PRDM8: variants seen among roughly 807,000 people sequenced by gnomAD.
The protein encoded by PRDM8 is PR/SET domain 8.
Under a neutral mutation model 46.5 loss-of-function variants are expected in PRDM8, and 13 were observed. That is an observed-to-expected ratio of 0.28 (90% CI 0.18 to 0.44). The LOEUF (loss-of-function observed/expected upper bound fraction) is 0.44, where lower values mean the gene tolerates loss of function less well. PRDM8 is among the 20% of genes least tolerant of loss of function. The pLI is 1.00. For missense variants in PRDM8, 998 were observed against 955.0 expected (o/e 1.04, Z -0.59); for synonymous variants, 473 against 438.4 (o/e 1.08, Z -0.98).
chr4:80,203,728 C>A lies in PRDM8; in HGVS notation c.*196C>A. 1 of 622,288 alleles carries A rather than the reference C, an allele frequency of 1.6e-6. No individual in the cohort carries two copies. 38.5% of individuals were successfully genotyped at this position (622,288 alleles called of 1,614,324 possible). On this transcript the variant is annotated 3_prime_UTR_variant, in exon 4 of 4. Transcript: ENST00000415738. ...CAGGAACCTCATTCAAATATTTACCCGGGACACACACCCCCCCCCACACAC... is the reference window on the plus strand; with the variant it reads ...CAGGAACCTCATTCAAATATTTACCAGGGACACACACCCCCCCCCACACAC...
At chr4:80,189,240 G>A (rs1737357483) in intron 1 of PRDM8, among the ~76,000 whole-genome samples, 1 of 152,186 alleles carries the variant, frequency 6.6e-6, no homozygotes, top group South Asian at 2.1e-4. Flanking sequence ...GGAGTCGCCC[G>A]GATCAGCCTT....
At position 80,203,286 on chromosome 4, in the gene PRDM8, G is replaced by T. The variant is rs772162341; in HGVS notation, c.1824G>T (p.Ala608=). Residue 608 remains alanine (A), a synonymous_variant, in exon 4 of 4, where the codon GCG becomes GCT. Transcript: ENST00000415738. The part of the protein sequence containing the change: ...AGPLQLQLPS[A]LTLLPPSFTS... ...CCTTGCAGCTGCAGCTGCCCTCGGCGCTCACGCTGCTGCCGCCCTCCTTCA... is the reference window on the plus strand; with the variant it reads ...CCTTGCAGCTGCAGCTGCCCTCGGCTCTCACGCTGCTGCCGCCCTCCTTCA... The T allele has an allele frequency of 2.5e-6, 4 of 1,603,214 alleles. No homozygotes were observed. In the Admixed American group the frequency reaches 6.8e-5, roughly 27 times the overall value.
upstream of PRDM8, among the ~76,000 whole-genome samples, chr4:80,195,652 T>C (rs532471180): frequency 2.0e-5 from 3 of 152,204 alleles, no homozygotes; most frequent in South Asian, 2.1e-4. Flanking sequence ...AGAGCCCTCA[T>C]TGCACTGAGC....
At position 80,199,580 on chromosome 4, in the gene PRDM8, A is replaced by G. The variant is rs376107222; in HGVS notation, c.-2-499A>G. On this transcript the variant is annotated intron_variant, in intron 1 of 3. Coordinates refer to ENST00000415738, the MANE Select transcript of PRDM8 (RefSeq NM_001099403.2). The stretch of plus-strand genomic sequence containing the variant: ...TCCCCTCCTTGGAAGAAAAGAAAAA[A>G]ATCAGCTCCCGGGCACCCAGTTCAA... 1.6e-4 allele frequency among the ~76,000 whole-genome samples: 24 copies of G among 152,134 alleles called. No homozygotes were observed. The East Asian group carries it at 4.3e-3, about 27-fold the overall frequency.
At chr4:80,197,851 T>G (rs1461064609) in intron 1 of PRDM8, 88 bp downstream of exon 1, 1 of 925,016 alleles carries the variant, frequency 1.1e-6, no homozygotes, top group Non-Finnish European at 1.3e-6. Flanking sequence ...CGTCTCCTTA[T>G]TATCCAGAAG....
At chr4:80,188,582 T>C (rs982064467) in intron 1 of PRDM8, among the ~76,000 whole-genome samples, 1 of 152,100 alleles carries the variant, frequency 6.6e-6, no homozygotes, top group Non-Finnish European at 1.5e-5. Flanking sequence ...AGACCCCGGG[T>C]TCAGACCTGA....
chr4:80,199,073 C>G (rs2903652), intron 1 of PRDM8, among the ~76,000 whole-genome samples: 39,406 of 141,162 alleles, frequency 0.28, 5,856 homozygotes, highest in East Asian at 0.63. Context: ...CTTTATGACA[C>G]CTTAATAAAG....
At chr4:80,199,500 C>G (rs933826092) in intron 1 of PRDM8, among the ~76,000 whole-genome samples, 5 of 152,068 alleles carry the variant, frequency 3.3e-5, no homozygotes, top group Admixed American at 6.5e-5. Flanking sequence ...CCCTGACATT[C>G]CACTTGAAAT....
At position 80,202,580 on chromosome 4, in the gene PRDM8, C is replaced by T. The variant is rs1452184196; in HGVS notation, c.1118C>T (p.Pro373Leu). 1.3e-6 allele frequency: 2 copies of T among 1,533,956 alleles called. No homozygotes were observed. The highest frequency in any genetic ancestry group is 8.7e-7 in the Non-Finnish European group (1 of 1,146,148). ...GAAGAGAACGGCCGCCTCTTCGCGC[C>T]GCCAAGTCCCGAGACGGGCGAGGCG... ...GLEENGRLFA[P>L]PSPETGEAKR... The change falls in exon 4 of 4, where the codon CCG (proline) becomes CTG (leucine). Residue 373 changes from proline to leucine, a missense_variant. Transcript: ENST00000415738.
In PRDM8 at chr4:80,200,226, C is replaced by T; in HGVS notation, c.146C>T (p.Thr49Ile). 2.5e-6 allele frequency: 4 copies of T among 1,614,148 alleles called. No individual in the cohort carries two copies. Among genetic ancestry groups the T allele is most frequent in the Non-Finnish European group, 3.4e-6 (4 of 1,179,992 alleles). ...TTTGGTCCCTGTGTCCTGAGCCATA[C>T]TTCCCTATATGACAGCATAGCTTTC... ...AIFGPCVLSHTSLYDSIAFIA... is the reference protein window; with the variant it reads ...AIFGPCVLSHISLYDSIAFIA... The change falls in exon 2 of 4, where the codon ACT (threonine) becomes ATT (isoleucine). Residue 49 changes from threonine (T) to isoleucine (I), a missense_variant. Physicochemically the swap from Thr to Ile is moderately conservative, Grantham distance 89. Transcript: ENST00000415738.
In PRDM8 at chr4:80,203,865, G is replaced by A. The variant is rs1738786197; in HGVS notation, c.*333G>A. 6 of 201,534 alleles carry A rather than the reference G, an allele frequency of 3.0e-5. No homozygotes were observed. In the South Asian group the frequency reaches 7.3e-4, roughly 24 times the overall value. The allele number at this position is 201,534 out of a possible 1,614,324, so 12.5% of individuals were successfully genotyped here. A position where few individuals can be genotyped will look rare whatever the true frequency, so the allele number is the denominator to read the frequency against. On this transcript the variant is annotated 3_prime_UTR_variant, in exon 4 of 4. Transcript: ENST00000415738. ...GCATTTTCACTTTCCCCAAAACAAA[G>A]GTACATTTTTTAAAATGTCATATAT... is the stretch of plus-strand genomic sequence containing the variant.
At chr4:80,198,347 G>A (rs2109872848) in intron 1 of PRDM8, among the ~76,000 whole-genome samples, 1 of 152,372 alleles carries the variant, frequency 6.6e-6, no homozygotes, top group South Asian at 2.1e-4. Flanking sequence ...AAATGCTTGT[G>A]TGAAAGAGAT....
chr4:80,200,601 G>A (rs528651196), intron 2 of PRDM8, among the ~76,000 whole-genome samples: 1 of 152,306 alleles, frequency 6.6e-6, no homozygotes, highest in South Asian at 2.1e-4. Flanking sequence ...AGATTTCACT[G>A]GGGTGGAGGC....
chr4:80,192,514 T>TA (rs1222168913), upstream of PRDM8, among the ~76,000 whole-genome samples: 1 of 152,156 alleles, frequency 6.6e-6, no homozygotes, highest in Non-Finnish European at 1.5e-5. Context: ...GCAGTCTGCC[T>TA]AAAAATCCTG....
chr4:80,186,458 T>TGAGAGAGAGAGAGAGAGAGAGAGAGAGA (rs1553902913), intron 1 of PRDM8, among the ~76,000 whole-genome samples: 6 of 29,848 alleles, frequency 2.0e-4, no homozygotes, highest in South Asian at 1.1e-3. Context: ...AGAGAGAGAT[T>TGAGAGAGAGAGAGAGAGAGAGAGAGAGA]GATTGTCAAG....
chr4:80,201,245 C>G, intron 2 of PRDM8, 45 bp from the exon 3 acceptor site: 1 of 1,540,836 alleles, frequency 6.5e-7, no homozygotes, highest in South Asian at 1.1e-5. Context: ...GAGGGTCCCT[C>G]TCCCCCTCTC....
intron 1 of PRDM8, among the ~76,000 whole-genome samples, chr4:80,199,769 A>C (rs1162470439): frequency 6.8e-6 from 1 of 147,942 alleles, no homozygotes; most frequent in Non-Finnish European, 1.5e-5. Flanking sequence ...CTGGAACTTC[A>C]CCTCTAAAAC....
chr4:80,200,411 A>G (rs1560474465), intron 2 of PRDM8, 112 bp downstream of exon 2: 1 of 924,804 alleles, frequency 1.1e-6, no homozygotes, highest in East Asian at 2.5e-5. Context: ...GAAAAATGCA[A>G]TAATGCAAGC....
At chr4:80,201,580 G>A in intron 3 of PRDM8, 59 bp downstream of exon 3, 1 of 1,531,642 alleles carries the variant, frequency 6.5e-7, no homozygotes, top group Non-Finnish European at 9.0e-7. Context: ...GACGCAGGGA[G>A]CGGCAGGGGC....
Sources: gnomAD v4.1 joint callset for allele counts (sites outside exome capture counted in the v4.1 genomes callset) on GRCh38, gnomAD v4.1.1 for gene constraint, MANE v1.5 for transcripts, NCBI Gene and HGNC (gene_info 2026-07-23, HGNC 2026-07-21) for gene names.